The following DLG2 variants were observed in gnomAD, a reference collection of about 807,000 sequenced individuals.
DLG2 encodes disks large homolog 2.
A neutral mutation model predicts 132.5 loss-of-function variants in DLG2; 45 were observed. That is an observed-to-expected ratio of 0.34 (90% CI 0.27 to 0.44). The LOEUF (loss-of-function observed/expected upper bound fraction) is 0.44, where lower values mean the gene tolerates loss of function less well. Among genes scored for constraint, DLG2 ranks in the 20% least tolerant of loss-of-function variants. DLG2 has a pLI of 1.00. For missense variants in DLG2, 1,045 were observed against 1,196.9 expected (o/e 0.87, Z 1.87); for synonymous variants, 424 against 419.6 (o/e 1.01, Z -0.13).
intron 6 of DLG2, among the ~76,000 whole-genome samples, chr11:84,587,829 T>TA (rs1460018749): frequency 4.6e-5 from 7 of 152,186 alleles, no homozygotes; most frequent in African/African-American, 1.4e-4. Context: ...TTACTGGTTT[T>TA]AAAAAAATAA....
intron 6 of DLG2, among the ~76,000 whole-genome samples, chr11:84,795,299 T>C (rs75964618): frequency 0.069 from 10,386 of 151,256 alleles, 467 homozygotes; most frequent in Middle Eastern, 0.12. Flanking sequence ...GGTGAGTCTC[T>C]TCTCTGCTGG....
intron 3 of DLG2, among the ~76,000 whole-genome samples, chr11:85,486,524 T>A (rs1597820386): frequency 6.6e-6 from 1 of 152,218 alleles, no homozygotes; most frequent in East Asian, 1.9e-4. Flanking sequence ...AGCCTGGAAA[T>A]TTTTTAGCCC....
chr11:85,047,241 G>C (rs1350008178), intron 6 of DLG2, among the ~76,000 whole-genome samples: 1 of 151,894 alleles, frequency 6.6e-6, no homozygotes, highest in African/African-American at 2.4e-5. Context: ...CTCGATTTTA[G>C]TGCATATCTT....
chr11:85,609,992 G>A (rs1376644446), intron 2 of DLG2, among the ~76,000 whole-genome samples: 1 of 152,134 alleles, frequency 6.6e-6, no homozygotes, highest in Non-Finnish European at 1.5e-5. Context: ...GCCAAAGCTG[G>A]AGCTATTATT....
intron 6 of DLG2, among the ~76,000 whole-genome samples, chr11:84,914,875 C>A (rs554150556): frequency 3.3e-5 from 5 of 152,148 alleles, no homozygotes; most frequent in Admixed American, 6.5e-5. Context: ...GAGTGATGTA[C>A]ACAGTGCCTG....
At position 84,976,551 on chromosome 11, in the gene DLG2, A is replaced by G. The variant is rs534925991; in HGVS notation, c.357+135110T>C. 9.2e-5 allele frequency among the ~76,000 whole-genome samples: 14 copies of G among 152,264 alleles called. No homozygotes were observed. In the South Asian group the frequency reaches 2.7e-3, roughly 29 times the overall value. On this transcript the variant is annotated intron_variant, in intron 6 of 27. Transcript: ENST00000376104. ...TTTTAAATTTTCTTATCTTCCTTTT[A>G]TCAAGTGCCAGAGTAAATGAGTGGT...
At chr11:85,095,901 C>T (rs758849735) in intron 6 of DLG2, among the ~76,000 whole-genome samples, 8 of 152,200 alleles carry the variant, frequency 5.3e-5, no homozygotes, top group Non-Finnish European at 1.0e-4. Context: ...TTCACCAGCA[C>T]CCTCATTCAT....
At chr11:83,837,628 A>G (rs1055767235) in intron 16 of DLG2, among the ~76,000 whole-genome samples, 11 of 142,154 alleles carry the variant, frequency 7.7e-5, no homozygotes, top group African/African-American at 2.7e-4. Context: ...CATTTATCTA[A>G]AGGGAGCAGG....
intron 3 of DLG2, among the ~76,000 whole-genome samples, chr11:85,370,561 G>A (rs1460955308): frequency 6.6e-6 from 1 of 152,170 alleles, no homozygotes; most frequent in East Asian, 1.9e-4. Flanking sequence ...TTTGTAAGTG[G>A]TTATAAAAGG....
chr11:84,538,914 C>T (rs1344381958), intron 6 of DLG2, among the ~76,000 whole-genome samples: 1 of 152,174 alleles, frequency 6.6e-6, no homozygotes, highest in African/African-American at 2.4e-5. Context: ...AACTCAAACT[C>T]AAGCTTCCAA....
rs578015552 is a variant in DLG2, at chr11:84,439,608, G to A, written c.519+94962C>T. On this transcript the variant is annotated intron_variant, in intron 7 of 27. Transcript: ENST00000376104. ...ACCCTGTACTCTCTGGAGGAAAAGT[G>A]CCACAGAAATCCAACGAATAAATAT... Among the ~76,000 whole-genome samples, 131 of 152,266 alleles carry A rather than the reference G, an allele frequency of 8.6e-4. 5 individuals carry two copies. The highest frequency in any genetic ancestry group is 2.8e-3 in the African/African-American group (116 of 41,546).
At position 84,900,251 on chromosome 11, in the gene DLG2, T is replaced by C. The variant is rs528556282; in HGVS notation, c.357+211410A>G. On this transcript the variant is annotated intron_variant, in intron 6 of 27. Transcript: ENST00000376104. ...TAAATCATTTTACTTATCAAGAACA[T>C]AGATGTGAATTTTAAAATCAAGGAT... 3.9e-5 allele frequency among the ~76,000 whole-genome samples: 6 copies of C among 152,234 alleles called. No individual in the cohort carries two copies. The South Asian group carries it at 1.2e-3, about 32-fold the overall frequency.
chr11:83,632,035 G>A (rs1192484010), intron 19 of DLG2: 1 of 152,102 alleles, frequency 6.6e-6, no homozygotes, highest in Non-Finnish European at 1.5e-5. Context: ...TTTTGAAATG[G>A]AGTTGGCCAA....
intron 6 of DLG2, among the ~76,000 whole-genome samples, chr11:85,023,345 T>G (rs1028571529): frequency 6.6e-6 from 1 of 152,062 alleles, no homozygotes; most frequent in African/African-American, 2.4e-5. Context: ...AAAATTCGAT[T>G]TGCAACCCCT....
chr11:83,463,059 A>C (rs568229484), intron 26 of DLG2, among the ~76,000 whole-genome samples: 1 of 152,206 alleles, frequency 6.6e-6, no homozygotes, highest in South Asian at 2.1e-4. Context: ...GAAGCCAGAG[A>C]TTTGGGTCTG....
intron 5 of DLG2, among the ~76,000 whole-genome samples, chr11:85,141,568 A>G (rs1249007678): frequency 6.6e-6 from 1 of 151,470 alleles, no homozygotes; most frequent in African/African-American, 2.4e-5. Context: ...ATGTAATGTC[A>G]TTTTTCTATT....
intron 7 of DLG2, among the ~76,000 whole-genome samples, chr11:84,469,035 C>T (rs1250362598): frequency 6.6e-6 from 1 of 151,520 alleles, no homozygotes; most frequent in Non-Finnish European, 1.5e-5. Flanking sequence ...TATCCCAGTA[C>T]TTAGCATATT....
intron 3 of DLG2, among the ~76,000 whole-genome samples, chr11:85,300,735 A>G (rs1268565102): frequency 6.6e-6 from 1 of 152,188 alleles, no homozygotes; most frequent in Non-Finnish European, 1.5e-5. Context: ...ATGAGAATAC[A>G]TGACAGAAAG....
At chr11:83,932,238 T>A in intron 14 of DLG2, among the ~76,000 whole-genome samples, 2 of 134,162 alleles carry the variant, frequency 1.5e-5, no homozygotes, top group East Asian at 2.0e-4. Context: ...CATTTGAAGA[T>A]TTTTTTTTTT....
Sources: gnomAD v4.1 joint callset for allele counts (sites outside exome capture counted in the v4.1 genomes callset) on GRCh38, gnomAD v4.1.1 for gene constraint, MANE v1.5 for transcripts, NCBI Gene and HGNC (gene_info 2026-07-23, HGNC 2026-07-21) for gene names.